BMP5: variants seen among roughly 807,000 people sequenced by gnomAD.
BMP5 encodes the protein bone morphogenetic protein 5.
A neutral mutation model predicts 46.6 loss-of-function variants in BMP5; 23 were observed. That is an observed-to-expected ratio of 0.49 (90% CI 0.35 to 0.70). The LOEUF (loss-of-function observed/expected upper bound fraction) is 0.70, where lower values mean the gene tolerates loss of function less well. BMP5 is among the 30% of genes least tolerant of loss of function. The pLI is 0.00. For synonymous variants in BMP5, 204 were observed against 191.9 expected, an observed-to-expected ratio of 1.06 and a Z score of -0.52; for missense variants, 545 against 565.6, an observed-to-expected ratio of 0.96 and a Z score of 0.37.
chr6:55,821,009 C>T (rs146133566), intron 1 of BMP5, among the ~76,000 whole-genome samples: 113 of 152,140 alleles, frequency 7.4e-4, no homozygotes, highest in Non-Finnish European at 1.4e-3. Context: ...AATTGATTCA[C>T]AAAGCTCAAA....
At chr6:55,861,006 G>C (rs1031556195) in intron 1 of BMP5, among the ~76,000 whole-genome samples, 9 of 152,174 alleles carry the variant, frequency 5.9e-5, no homozygotes, top group African/African-American at 2.2e-4. Flanking sequence ...CTTTACACAT[G>C]CAAGAGATTA....
At chr6:55,858,638 C>T (rs1402317965) in intron 1 of BMP5, among the ~76,000 whole-genome samples, 3 of 152,056 alleles carry the variant, frequency 2.0e-5, no homozygotes, top group Non-Finnish European at 4.4e-5. Context: ...GAAATTGAAA[C>T]AAATTTACTG....
At chr6:55,837,417 CAGAT>C (rs1776841936) in intron 1 of BMP5, among the ~76,000 whole-genome samples, 1 of 151,710 alleles carries the variant, frequency 6.6e-6, no homozygotes. Context: ...GACAGACAGA[CAGAT>C]AGATATTTAC....
At chr6:55,763,298 A>C (rs563854151) in intron 4 of BMP5, among the ~76,000 whole-genome samples, 42 of 152,274 alleles carry the variant, frequency 2.8e-4, no homozygotes, top group African/African-American at 9.9e-4. Context: ...AAGTCAAAAT[A>C]TATCTGTTCC....
At chr6:55,873,863 A>G (rs16887327) in intron 1 of BMP5, among the ~76,000 whole-genome samples, 1 of 151,946 alleles carries the variant, frequency 6.6e-6, no homozygotes, top group Non-Finnish European at 1.5e-5. Flanking sequence ...CCTTGATAGT[A>G]ATCTTTTATG....
At chr6:55,862,310 A>G (rs944930702) in intron 1 of BMP5, among the ~76,000 whole-genome samples, 2 of 152,148 alleles carry the variant, frequency 1.3e-5, no homozygotes, top group Admixed American at 1.3e-4. Flanking sequence ...CAATCAACTT[A>G]AAGTAATCAT....
At chr6:55,796,746 C>A (rs899151997) in intron 2 of BMP5, among the ~76,000 whole-genome samples, 1 of 145,834 alleles carries the variant, frequency 6.9e-6, no homozygotes. Context: ...TGAGAATATG[C>A]GGTGTTTGGT....
intron 1 of BMP5, among the ~76,000 whole-genome samples, chr6:55,864,346 G>A (rs1400050613): frequency 1.3e-5 from 2 of 152,068 alleles, no homozygotes; most frequent in Admixed American, 6.6e-5. Context: ...AGGCACTGCC[G>A]TTATGAATAG....
At chr6:55,853,369 T>A (rs1412797639) in intron 1 of BMP5, among the ~76,000 whole-genome samples, 1 of 146,744 alleles carries the variant, frequency 6.8e-6, no homozygotes, top group Non-Finnish European at 1.5e-5. Flanking sequence ...TCTCTGACTC[T>A]CTTTCCTTAA....
rs1317383862 is a variant in BMP5 at position 55,807,417 on chromosome 6, TTGATCG to T, written c.683+12232_683+12237del. Reference sequence around the variant, plus strand: ...CTTGCATCCCAGGGATCAAGTCAACTTGATCGTGGTGGATAAGCTTTTGGATGTGCT... The same window carrying T: ...CTTGCATCCCAGGGATCAAGTCAACTTGGTGGATAAGCTTTTGGATGTGCT... On this transcript the variant is annotated intron_variant, in intron 2 of 6. Coordinates refer to ENST00000370830, the MANE Select transcript of BMP5 (RefSeq NM_021073.4). Among the ~76,000 whole-genome samples, 10 of 152,342 alleles carry T rather than the reference TTGATCG, an allele frequency of 6.6e-5. 1 individual carries two copies. The highest frequency in any genetic ancestry group is 2.4e-4 in the African/African-American group (10 of 41,582).
intron 3 of BMP5, among the ~76,000 whole-genome samples, chr6:55,782,992 G>A (rs1775362328): frequency 6.6e-6 from 1 of 152,060 alleles, no homozygotes; most frequent in Non-Finnish European, 1.5e-5. Flanking sequence ...TTCATCTTGG[G>A]TTCCTGTATA....
At position 55,774,205 on chromosome 6, in the gene BMP5, T is replaced by G; in HGVS notation, c.871A>C (p.Arg291=). 1 of 1,613,140 alleles carries G rather than the reference T, an allele frequency of 6.2e-7. No individual in the cohort carries two copies. Among genetic ancestry groups the G allele is most frequent in the Non-Finnish European group, 8.5e-7 (1 of 1,179,378 alleles). ...GGTTGTTTTGACTGAGGTCCCTGTC[T>G]TCCCACAAGACCAGCAGATTTTACG... ...INVKSAGLVG[R]QGPQSKQPFM... is the part of the protein sequence containing the mutation. The change falls in exon 4 of 7, where the codon AGA becomes CGA. Residue 291 remains arginine (R), a synonymous_variant. Coordinates refer to ENST00000370830, the MANE Select transcript of BMP5 (RefSeq NM_021073.4).
At chr6:55,853,588 C>T (rs896785618) in intron 1 of BMP5, among the ~76,000 whole-genome samples, 4 of 152,132 alleles carry the variant, frequency 2.6e-5, no homozygotes, top group Non-Finnish European at 5.9e-5. Context: ...TAAACAGTGT[C>T]AATGACAAAA....
At chr6:55,860,813 T>C (rs1777513123) in intron 1 of BMP5, among the ~76,000 whole-genome samples, 1 of 152,238 alleles carries the variant, frequency 6.6e-6, no homozygotes, top group Non-Finnish European at 1.5e-5. Context: ...GGGTCTGAAC[T>C]GTCCTCATGT....
intron 1 of BMP5, among the ~76,000 whole-genome samples, chr6:55,853,080 A>T (rs1441035573): frequency 1.3e-5 from 2 of 151,716 alleles, no homozygotes; most frequent in Non-Finnish European, 2.9e-5. Flanking sequence ...CAGTGAGCCG[A>T]GATCGCACCA....
intron 4 of BMP5, among the ~76,000 whole-genome samples, chr6:55,771,034 A>C (rs1775035567): frequency 6.6e-6 from 1 of 152,034 alleles, no homozygotes; most frequent in Non-Finnish European, 1.5e-5. Context: ...ACACAGAGAA[A>C]CCAAGTAAAC....
chr6:55,806,521 C>G (rs994093753), intron 2 of BMP5, among the ~76,000 whole-genome samples: 4 of 152,120 alleles, frequency 2.6e-5, no homozygotes, highest in African/African-American at 9.7e-5. Context: ...CAGCTTTGTT[C>G]TTTTTGCTTA....
chr6:55,834,035 A>G (rs1179067630), intron 1 of BMP5, among the ~76,000 whole-genome samples: 1 of 152,200 alleles, frequency 6.6e-6, no homozygotes, highest in Non-Finnish European at 1.5e-5. Context: ...ATTATCATTT[A>G]GCCACCATTT....
rs536636647 is a variant in BMP5 at position 55,870,978 on chromosome 6, A to T, written c.490+3398T>A. On this transcript the variant is annotated intron_variant, in intron 1 of 6. Transcript: ENST00000370830. ...ATGTAGATACAAAGAATAATATAAA[A>T]GTAATTTTCCTGTTTTTACTTCCTC... Among the ~76,000 whole-genome samples the T allele has an allele frequency of 7.6e-4, 115 of 152,134 alleles. 1 individual carries two copies. Among genetic ancestry groups the T allele is most frequent in the Middle Eastern group, 3.4e-3 (1 of 292 alleles).
Sources: allele counts gnomAD v4.1 joint callset (sites outside exome capture counted in the v4.1 genomes callset), GRCh38; gene constraint gnomAD v4.1.1; transcripts MANE v1.5; gene names NCBI Gene and HGNC (gene_info 2026-07-23, HGNC 2026-07-21).